The following PTGER3 variants were observed in gnomAD, a reference collection of about 807,000 sequenced individuals.
PTGER3 encodes the protein prostaglandin E receptor 3.
A neutral mutation model predicts 34.7 loss-of-function variants in PTGER3; 22 were observed. That is an observed-to-expected ratio of 0.63 (90% confidence interval 0.45 to 0.91). The LOEUF (loss-of-function observed/expected upper bound fraction) is 0.91, where lower values mean the gene tolerates loss of function less well. Ranked by LOEUF, PTGER3 falls within the 40% of genes least tolerant of loss-of-function variation. The pLI, the probability that PTGER3 is intolerant of heterozygous loss-of-function variation, is 0.00. For synonymous variants in PTGER3, 241 were observed against 230.1 expected, an observed-to-expected ratio of 1.05 and a Z score of -0.43; for missense variants, 468 against 519.4, an observed-to-expected ratio of 0.90 and a Z score of 0.96.
At chr1:70,888,691 C>T (rs879349128) in intron 4 of PTGER3, among the ~76,000 whole-genome samples, 5 of 151,846 alleles carry the variant, frequency 3.3e-5, no homozygotes, top group Non-Finnish European at 5.9e-5. Context: ...TAAATTCATC[C>T]GAGATGTGAA....
intron 4 of PTGER3, among the ~76,000 whole-genome samples, chr1:70,884,525 C>T (rs912241388): frequency 1.3e-5 from 2 of 152,142 alleles, no homozygotes; most frequent in African/African-American, 2.4e-5. Context: ...CACTTTCCTG[C>T]TGACCTTAGA....
chr1:71,038,111 TTCA>T (rs1355465526), intron 1 of PTGER3, among the ~76,000 whole-genome samples: 3 of 152,198 alleles, frequency 2.0e-5, no homozygotes, highest in African/African-American at 7.2e-5. Context: ...CAATCACTCT[TTCA>T]TCATTTTCAA....
At chr1:70,964,785 G>T (rs594454) in intron 2 of PTGER3, among the ~76,000 whole-genome samples, 91,862 of 151,966 alleles carry the variant, frequency 0.6, 28,277 homozygotes, top group East Asian at 0.72. Context: ...GAATTATTAT[G>T]TTTGCTCAAA....
chr1:70,974,260 G>A (rs369075348), intron 3 of PTGER3, 37 bp downstream of exon 3: 15 of 1,610,246 alleles, frequency 9.3e-6, no homozygotes, highest in Non-Finnish European at 1.3e-5. Flanking sequence ...GACGGGGGAA[G>A]GCTATGCTAT....
chr1:70,902,007 A>G (rs541686359), intron 4 of PTGER3, among the ~76,000 whole-genome samples: 39 of 152,324 alleles, frequency 2.6e-4, no homozygotes, highest in Non-Finnish European at 4.0e-4. Flanking sequence ...AGTTAAGCAA[A>G]GTAAGATGAT....
intron 2 of PTGER3, among the ~76,000 whole-genome samples, chr1:70,999,534 C>T (rs1656285331): frequency 6.6e-6 from 1 of 152,174 alleles, no homozygotes; most frequent in South Asian, 2.1e-4. Flanking sequence ...CCAGAAGAAG[C>T]TAAAGCAAAT....
intron 1 of PTGER3, among the ~76,000 whole-genome samples, chr1:71,015,305 G>A (rs1439543989): frequency 1.3e-5 from 2 of 152,064 alleles, no homozygotes; most frequent in African/African-American, 2.4e-5. Context: ...TTGGACGTAT[G>A]GGGGAAGAAA....
At chr1:70,879,251 G>GT (rs1553158905) in intron 4 of PTGER3, among the ~76,000 whole-genome samples, 1 of 151,282 alleles carries the variant, frequency 6.6e-6, no homozygotes, top group African/African-American at 2.4e-5. Context: ...TTTGTTTTTT[G>GT]TTTGTTTTGT....
At chr1:70,969,035 C>T (rs900239628), downstream of PTGER3, among the ~76,000 whole-genome samples, 4 of 151,840 alleles carry the variant, frequency 2.6e-5, no homozygotes, top group African/African-American at 7.3e-5. Flanking sequence ...GGTGAAACTC[C>T]GTCTCTACTA....
At chr1:70,928,670 G>A (rs1327654870) in intron 4 of PTGER3, among the ~76,000 whole-genome samples, 2 of 151,996 alleles carry the variant, frequency 1.3e-5, no homozygotes, top group African/African-American at 4.8e-5. Context: ...ATATGCGCAA[G>A]AGACTTTCTA....
intron 2 of PTGER3, among the ~76,000 whole-genome samples, chr1:70,980,822 G>A (rs1654183186): frequency 6.6e-6 from 1 of 152,072 alleles, no homozygotes. Flanking sequence ...AACTTCTGAA[G>A]GGGCAACTAC....
intron 2 of PTGER3, among the ~76,000 whole-genome samples, chr1:70,958,688 C>T (rs1390438535): frequency 6.6e-6 from 1 of 152,006 alleles, no homozygotes; most frequent in African/African-American, 2.4e-5. Flanking sequence ...TTTATGTAAT[C>T]TCATTTGTCT....
chr1:70,893,395 CT>C (rs1646660149), intron 4 of PTGER3, among the ~76,000 whole-genome samples: 1 of 152,178 alleles, frequency 6.6e-6, no homozygotes, highest in Non-Finnish European at 1.5e-5. Context: ...AGCTATAGGA[CT>C]GTGGCGTGGA....
intron 4 of PTGER3, among the ~76,000 whole-genome samples, chr1:70,854,940 G>A (rs947260557): frequency 3.9e-5 from 6 of 152,106 alleles, no homozygotes; most frequent in Admixed American, 1.3e-4. Context: ...CTAAAAATGC[G>A]ATTACCATAT....
intron 4 of PTGER3, among the ~76,000 whole-genome samples, chr1:70,933,526 A>G (rs564311212): frequency 1.3e-5 from 2 of 152,330 alleles, no homozygotes; most frequent in Admixed American, 6.5e-5. Flanking sequence ...TAAACAATGC[A>G]AAGTTTTTAT....
chr1:70,949,084 T>C (rs548744795), downstream of PTGER3, among the ~76,000 whole-genome samples: 1 of 151,788 alleles, frequency 6.6e-6, no homozygotes. Flanking sequence ...GGTAAAGGAG[T>C]GTTGGGAAAA....
At chr1:70,895,791 C>A (rs1460538145) in intron 4 of PTGER3, among the ~76,000 whole-genome samples, 1 of 152,174 alleles carries the variant, frequency 6.6e-6, no homozygotes, top group Non-Finnish European at 1.5e-5. Flanking sequence ...TGTCTGTTAT[C>A]ACATGTAAGA....
intron 4 of PTGER3, among the ~76,000 whole-genome samples, chr1:70,885,590 G>T (rs192810472): frequency 1.3e-5 from 2 of 152,152 alleles, no homozygotes; most frequent in Admixed American, 1.3e-4. Context: ...AAACTTCATG[G>T]AACAAGAAGT....
intron 2 of PTGER3, among the ~76,000 whole-genome samples, chr1:70,956,837 C>T (rs999891824): frequency 4.6e-5 from 7 of 152,230 alleles, no homozygotes; most frequent in African/African-American, 1.4e-4. Context: ...AACCCCATCT[C>T]GACAAAAATT....
Sources: gnomAD v4.1 joint callset for allele counts (sites outside exome capture counted in the v4.1 genomes callset) on GRCh38, gnomAD v4.1.1 for gene constraint, MANE v1.5 for transcripts, NCBI Gene and HGNC (gene_info 2026-07-23, HGNC 2026-07-21) for gene names.